The following NUMA1 variants were observed in gnomAD, a reference collection of about 807,000 sequenced individuals.
The protein encoded by NUMA1 is nuclear mitotic apparatus protein 1.
A neutral mutation model predicts 237.1 loss-of-function variants in NUMA1; 62 were observed. The observed-to-expected ratio is 0.26, with a 90% confidence interval of 0.21 to 0.32. The LOEUF (loss-of-function observed/expected upper bound fraction) is 0.32. Among genes scored for constraint, NUMA1 ranks in the 10% least tolerant of loss-of-function variants. The pLI, the probability that NUMA1 is intolerant of heterozygous loss-of-function variation, is 1.00. For missense variants in NUMA1, 2,533 were observed against 2,666.5 expected (o/e 0.95, Z 1.10); for synonymous variants, 1,028 against 1,066.1 (o/e 0.96, Z 0.70).
chr11:72,038,876 A>C (rs1941352733), intron 2 of NUMA1, among the ~76,000 whole-genome samples: 1 of 151,902 alleles, frequency 6.6e-6, no homozygotes, highest in Admixed American at 6.6e-5. Flanking sequence ...TGATTCTCTG[A>C]GAAAGAAATT....
chr11:72,003,584 A>G (rs778922551), intron 26 of NUMA1, 46 bp from the exon 27 acceptor site: 3 of 1,612,966 alleles, frequency 1.9e-6, no homozygotes, highest in Non-Finnish European at 2.5e-6. Flanking sequence ...TTGCGATACT[A>G]GCCTGCACCC....
intron 16 of NUMA1, 120 bp from the exon 17 acceptor site, chr11:72,010,974 A>G (rs1280019412): frequency 7.8e-6 from 7 of 891,914 alleles, no homozygotes; most frequent in South Asian, 5.9e-5. Flanking sequence ...GAATAAACTC[A>G]GGCCCTTTCT....
chr11:72,065,480 T>C (rs1436683158), intron 2 of NUMA1: 1 of 152,050 alleles, frequency 6.6e-6, no homozygotes, highest in Non-Finnish European at 1.5e-5. Flanking sequence ...AATATAAAAT[T>C]TTAGGTAATA....
intron 2 of NUMA1, among the ~76,000 whole-genome samples, chr11:72,058,747 C>T (rs1451863895): frequency 6.6e-6 from 1 of 152,154 alleles, no homozygotes; most frequent in African/African-American, 2.4e-5. Flanking sequence ...GTGATAGTTA[C>T]TGTTGGTAAA....
At chr11:72,026,809 G>A (rs987477427) in intron 4 of NUMA1, among the ~76,000 whole-genome samples, 3 of 152,076 alleles carry the variant, frequency 2.0e-5, no homozygotes, top group South Asian at 2.1e-4. Flanking sequence ...CACCAGTAGC[G>A]GTATCAGAAA....
In NUMA1 at chr11:72,004,825, G is replaced by A. The variant is rs780990522; in HGVS notation, c.5830-9C>T. ...CCCAGGCTCAGGGAAGGCTGCATGG[G>A]TGGAAGAGGTGGTCAGTGGACCATA... is the stretch of plus-strand genomic sequence containing the variant. On this transcript the variant is annotated splice_polypyrimidine_tract_variant and intron_variant, in intron 23 of 26. Coordinates refer to ENST00000393695, the MANE Select transcript of NUMA1 (RefSeq NM_006185.4). 5.1e-6 allele frequency: 8 copies of A among 1,557,080 alleles called. No homozygotes were observed. The Admixed American group carries it at 1.5e-4, about 30-fold the overall frequency.
Position 72,014,412 on chromosome 11 carries a change from C to T in NUMA1, c.3091G>A (p.Glu1031Lys), listed in dbSNP as rs764992635. ...ALEKAARAEL[E>K]MRLQNALNEQ... is the part of the protein sequence containing the mutation. ...TTGAGGGCGTTCTGCAGCCGCATCT[C>T]AAGCTCTGCTCTGGCCGCCTTCTCC... Residue 1031 changes from glutamate (E) to lysine (K), a missense_variant, in exon 15 of 27, where the codon GAG becomes AAG. Physicochemically the swap from Glu to Lys is moderately conservative, Grantham distance 56. Around this residue, in one of 3 missense-constraint regions of NUMA1, gnomAD observed 1,414 missense variants for 1,508.1 expected, o/e 0.94. Transcript: ENST00000393695. This position sits in a 1 kb window ranked among gnomAD's most constrained non-coding sequence, Gnocchi z 4.6. The T allele has an allele frequency of 6.2e-7, 1 of 1,610,108 alleles. No individual in the cohort carries two copies. Among genetic ancestry groups the T allele is most frequent in the Non-Finnish European group, 8.5e-7 (1 of 1,180,030 alleles).
chr11:72,073,600 C>T (rs1294778898), intron 1 of NUMA1, among the ~76,000 whole-genome samples: 5 of 152,108 alleles, frequency 3.3e-5, no homozygotes, highest in African/African-American at 9.7e-5. Flanking sequence ...TTCAAATATA[C>T]GCATAGCTTT....
At chr11:72,026,259 G>A (rs1939566531) in intron 4 of NUMA1, among the ~76,000 whole-genome samples, 1 of 152,170 alleles carries the variant, frequency 6.6e-6, no homozygotes, top group Non-Finnish European at 1.5e-5. Flanking sequence ...TGTCCTCCAG[G>A]TCTTCCTGCA....
At position 72,073,217 on chromosome 11, in the gene NUMA1, G is replaced by A. The variant is rs192480999; in HGVS notation, c.-102-3306C>T. ...CTACTAAAAATCAAAAAAATTAGCC[G>A]GGTGTAGTCCCAGCTACACTACTTA... On this transcript the variant is annotated intron_variant, in intron 1 of 26. Transcript: ENST00000393695. Among the ~76,000 whole-genome samples the A allele has an allele frequency of 1.5e-4, 23 of 151,030 alleles. 1 individual carries two copies. The highest frequency in any genetic ancestry group is 3.4e-3 in the Middle Eastern group (1 of 290).
In NUMA1 at chr11:72,006,232, T is replaced by C. The variant is rs761381957; in HGVS notation, c.5495A>G (p.Asn1832Ser). The change falls in exon 22 of 27, where the codon AAC becomes AGC. Residue 1832 changes from asparagine to serine, a missense_variant. Transcript: ENST00000393695. ...AGACCGCGTGCTGTAGAACGATGAG[T>C]TGGCGCTGTCTGGCTCTTCCACATC... ...KLDVEEPDSA[N>S]SSFYSTRSAP... is the part of the protein sequence containing the mutation. The C allele has an allele frequency of 2.5e-6, 4 of 1,614,044 alleles. No individual in the cohort carries two copies. The highest frequency in any genetic ancestry group is 2.2e-5 in the East Asian group (1 of 44,866).
chr11:72,020,010 A>G (rs1197309941), intron 8 of NUMA1, among the ~76,000 whole-genome samples: 1 of 152,190 alleles, frequency 6.6e-6, no homozygotes, highest in Non-Finnish European at 1.5e-5. Context: ...GCCATTGGCC[A>G]CCATTTGGAA....
intron 3 of NUMA1, among the ~76,000 whole-genome samples, chr11:72,029,746 T>C (rs552277862): frequency 2.9e-4 from 44 of 152,364 alleles, no homozygotes; most frequent in African/African-American, 1.1e-3. Context: ...TGGATTTTTA[T>C]ATTATAGTCC....
At chr11:72,077,969 G>A (rs1943794253) in intron 1 of NUMA1, among the ~76,000 whole-genome samples, 1 of 152,138 alleles carries the variant, frequency 6.6e-6, no homozygotes, top group Admixed American at 6.5e-5. Flanking sequence ...GAAAAATAGT[G>A]AAAAAGCAAA....
At chr11:72,025,042 C>A (rs113235021) in intron 4 of NUMA1, among the ~76,000 whole-genome samples, 4,345 of 152,224 alleles carry the variant, frequency 0.029, 58 homozygotes, top group East Asian at 0.074. Flanking sequence ...GGATTACAGG[C>A]ATGGACCACC....
intron 2 of NUMA1, chr11:72,065,186 A>G (rs1419770718): frequency 6.6e-6 from 1 of 152,220 alleles, no homozygotes; most frequent in East Asian, 1.9e-4. Flanking sequence ...CCAAAAACGT[A>G]GACAAAAACT....
intron 16 of NUMA1, among the ~76,000 whole-genome samples, chr11:72,011,434 C>G (rs1216369844): frequency 6.6e-6 from 1 of 152,186 alleles, no homozygotes; most frequent in Non-Finnish European, 1.5e-5. Flanking sequence ...AAGCCCACCC[C>G]ACTCCTACAA....
intron 2 of NUMA1, among the ~76,000 whole-genome samples, chr11:72,054,189 G>C (rs1403206126): frequency 6.6e-6 from 1 of 152,138 alleles, no homozygotes; most frequent in South Asian, 2.1e-4. Context: ...AGAGTGGCTG[G>C]GCACGGTGGC....
In NUMA1 at chr11:72,018,203, T is replaced by C; in HGVS notation, c.958A>G (p.Asn320Asp). 1 of 1,613,736 alleles carries C rather than the reference T, an allele frequency of 6.2e-7. No individual in the cohort carries two copies. The highest frequency in any genetic ancestry group is 8.5e-7 in the Non-Finnish European group (1 of 1,179,644). The part of the protein sequence containing the change: ...DRKINQLSEE[N>D]GDLSFKLREF... ...CCCACCTTAAAGGAAAGGTCTCCAT[T>C]CTCCTCCGAAAGCTGGTTGATTTTG... The change falls in exon 12 of 27, where the codon AAT becomes GAT. Residue 320 changes from asparagine (N) to aspartate (D), a missense_variant. By Grantham distance (23) the Asn-to-Asp change is conservative. Coordinates refer to ENST00000393695, the MANE Select transcript of NUMA1 (RefSeq NM_006185.4).
Sources: allele counts gnomAD v4.1 joint callset (sites outside exome capture counted in the v4.1 genomes callset), GRCh38; gene constraint gnomAD v4.1.1; regional missense constraint gnomAD v4.1.1; non-coding constraint Gnocchi (gnomAD v3.1); transcripts MANE v1.5; gene names NCBI Gene and HGNC (gene_info 2026-07-23, HGNC 2026-07-21).